Variants in HIRA observed in about 807,000 individuals in gnomAD.
HIRA encodes the protein protein HIRA.
In HIRA, 13 loss-of-function variants were observed where a neutral mutation model predicts 126.6. The observed-to-expected ratio is 0.10, with a 90% confidence interval of 0.07 to 0.16. The LOEUF (loss-of-function observed/expected upper bound fraction) is 0.16. HIRA is among the 10% of genes least tolerant of loss of function. HIRA has a pLI of 1.00. For synonymous variants in HIRA, 511 were observed against 520.0 expected (o/e 0.98, Z 0.24); for missense variants, 834 against 1,314.4 (o/e 0.63, Z 5.65).
At chr22:19,366,234 C>T (rs9604958) in intron 15 of HIRA, among the ~76,000 whole-genome samples, 60,411 of 151,190 alleles carry the variant, frequency 0.4, 13,887 homozygotes, top group Non-Finnish European at 0.52. Flanking sequence ...TGGTGGGGGG[C>T]GCCTGTAGTC....
chr22:19,357,542 C>T (rs1364999493), intron 18 of HIRA, among the ~76,000 whole-genome samples: 1 of 152,182 alleles, frequency 6.6e-6, no homozygotes, highest in Non-Finnish European at 1.5e-5. Flanking sequence ...TGTGTCGCTC[C>T]CAAACAAGGA....
intron 24 of HIRA, 127 bp from the exon 25 acceptor site, chr22:19,331,683 G>A (rs2088488826): frequency 3.6e-6 from 3 of 832,854 alleles, no homozygotes; most frequent in Non-Finnish European, 5.7e-6. Context: ...TCCTCTGCAG[G>A]TGAGAAACTG....
At position 19,405,852 on chromosome 22, in the gene HIRA, A is replaced by G. The variant is rs2089303952; in HGVS notation, c.331T>C (p.Ser111Pro). Residue 111 changes from serine to proline, a missense_variant, in exon 5 of 25, where the codon TCC (serine) becomes CCC (proline). By Grantham distance (74) the Ser-to-Pro change is moderately conservative. Coordinates refer to ENST00000263208, the MANE Select transcript of HIRA (RefSeq NM_003325.4). ...TYIGPSTVFGSSGKLANVEQW... is the reference protein window; with the variant it reads ...TYIGPSTVFGPSGKLANVEQW... The stretch of plus-strand genomic sequence containing the variant: ...TCCACATTGGCAAGCTTACCACTGG[A>G]GCCGAACACGGTGCTGGGGCCGATG... 2.0e-6 allele frequency: 3 copies of G among 1,509,326 alleles called. No homozygotes were observed. Among genetic ancestry groups the G allele is most frequent in the South Asian group, 1.3e-5 (1 of 77,248 alleles). 93.5% of individuals were successfully genotyped at this position (1,509,326 alleles called of 1,614,324 possible).
In HIRA at chr22:19,383,810, A is replaced by C. The variant is rs1006370454; in HGVS notation, c.1330-105T>G. 6 of 815,056 alleles carry C rather than the reference A, an allele frequency of 7.4e-6. No individual in the cohort carries two copies. In the African/African-American group the frequency reaches 1.0e-4, roughly 14 times the overall value. The allele number at this position is 815,056 out of a possible 1,614,324, so 50.5% of individuals were successfully genotyped here. A position where few individuals can be genotyped will look rare whatever the true frequency, so the allele number is the denominator to read the frequency against. Reference sequence around the variant, plus strand: ...TTTCCTGGTGATAAGAACACTAAGCATAAGATCCACCCTCTTAGCAAAGTT... The same window carrying C: ...TTTCCTGGTGATAAGAACACTAAGCCTAAGATCCACCCTCTTAGCAAAGTT... On this transcript the variant is annotated intron_variant, in intron 12 of 24. Coordinates refer to ENST00000263208, the MANE Select transcript of HIRA (RefSeq NM_003325.4).
chr22:19,396,717 C>T, intron 7 of HIRA, 70 bp downstream of exon 7: 2 of 1,538,482 alleles, frequency 1.3e-6, no homozygotes, highest in South Asian at 2.3e-5. Context: ...AGCTCCCTCT[C>T]TGTACACAGA....
intron 13 of HIRA, among the ~76,000 whole-genome samples, chr22:19,382,782 T>TA (rs1428758134): frequency 6.7e-6 from 1 of 149,670 alleles, no homozygotes; most frequent in Non-Finnish European, 1.5e-5. Flanking sequence ...TTTTTTTTTT[T>TA]TTTTTTGAAT....
rs145525716 is a variant in HIRA at position 19,353,484 on chromosome 22, G to C, written c.2720C>G (p.Pro907Arg). ...GGTGGTCTCTTGCTGCACCACATGA[G>C]GCACGGAGAAGAGCCGGGCAGCCTG... Reference protein sequence around the residue: ...GRQAARLFSVPHVVQQETTLA... With the variant: ...GRQAARLFSVRHVVQQETTLA... Residue 907 changes from proline (P) to arginine (R), a missense_variant, in exon 23 of 25, where the codon CCT becomes CGT. Around this residue, in one of 5 missense-constraint regions of HIRA, gnomAD observed 468 missense variants for 574.2 expected, o/e 0.82. Transcript: ENST00000263208. 2.5e-6 allele frequency: 4 copies of C among 1,612,342 alleles called. No individual in the cohort carries two copies. The East Asian group carries it at 8.9e-5, about 36-fold the overall frequency.
At chr22:19,353,191 A>G (rs1448632421) in intron 23 of HIRA, among the ~76,000 whole-genome samples, 165 bp downstream of exon 23, 7 of 152,122 alleles carry the variant, frequency 4.6e-5, no homozygotes, top group Non-Finnish European at 8.8e-5. Flanking sequence ...CTCAGAGCCT[A>G]TAAGGGGCTG....
rs1424785779 is a variant in HIRA at position 19,375,715 on chromosome 22, G to A, written c.1691C>T (p.Ala564Val). The A allele has an allele frequency of 1.2e-6, 2 of 1,614,172 alleles. No individual in the cohort carries two copies. Among genetic ancestry groups the A allele is most frequent in the Admixed American group, 1.7e-5 (1 of 60,014 alleles). Residue 564 changes from alanine (A) to valine (V), a missense_variant, in exon 15 of 25, where the codon GCG becomes GTG. Transcript: ENST00000263208. ...TTPSKIEPMK[A>V]FDSRFTERSK... ...CCGCTCTGTGAACCGGGAGTCAAAC[G>A]CTTTCATGGGTTCGATCTTGGACGG...
At chr22:19,390,967 T>G (rs1003714341) in intron 9 of HIRA, among the ~76,000 whole-genome samples, 3 of 152,122 alleles carry the variant, frequency 2.0e-5, no homozygotes, top group African/African-American at 7.2e-5. Context: ...TTTGTTTTTT[T>G]TTTTAATTTT....
At chr22:19,419,310 G>A (rs1267241223) in intron 1 of HIRA, among the ~76,000 whole-genome samples, 1 of 151,950 alleles carries the variant, frequency 6.6e-6, no homozygotes, top group Non-Finnish European at 1.5e-5. Flanking sequence ...TGGCCACCCC[G>A]CCCCCACGAC....
intron 7 of HIRA, among the ~76,000 whole-genome samples, chr22:19,396,138 G>A (rs1021830062): frequency 6.6e-6 from 1 of 152,202 alleles, no homozygotes; most frequent in African/African-American, 2.4e-5. Context: ...CGCACTATAA[G>A]AAGCAGTTTT....
intron 15 of HIRA, among the ~76,000 whole-genome samples, chr22:19,363,624 G>T (rs1285512593): frequency 6.6e-6 from 1 of 152,186 alleles, no homozygotes; most frequent in East Asian, 1.9e-4. Context: ...CTGGCTGGGT[G>T]TGGTGGCTCT....
chr22:19,398,661 C>T (rs925698162), intron 5 of HIRA, among the ~76,000 whole-genome samples: 1 of 152,208 alleles, frequency 6.6e-6, no homozygotes, highest in African/African-American at 2.4e-5. Context: ...TCCATTTTAT[C>T]ATTTGTTAAG....
chr22:19,374,010 T>TTAAATGAAA (rs1159874637), intron 15 of HIRA, among the ~76,000 whole-genome samples: 4 of 151,136 alleles, frequency 2.6e-5, no homozygotes, highest in African/African-American at 9.7e-5. Context: ...GGGACGAGGG[T>TTAAATGAAA]TGCATTTAAT....
rs189839354 is a variant in HIRA at position 19,375,939 on chromosome 22, C to A, written c.1614-147G>T. ...AAATGTCAAGATACAATCTACTACT[C>A]CCATTTCTTTAAAATTTTCATGTGT... On this transcript the variant is annotated intron_variant, in intron 14 of 24. Coordinates refer to ENST00000263208, the MANE Select transcript of HIRA (RefSeq NM_003325.4). 3.5e-3 allele frequency: 2,996 copies of A among 863,662 alleles called. 79 individuals carry two copies. The Admixed American group carries it at 0.057, about 17-fold the overall frequency. 53.5% of individuals were successfully genotyped at this position (863,662 alleles called of 1,614,324 possible).
intron 5 of HIRA, among the ~76,000 whole-genome samples, chr22:19,398,919 T>A (rs1364116876): frequency 6.6e-6 from 1 of 152,078 alleles, no homozygotes; most frequent in Non-Finnish European, 1.5e-5. Flanking sequence ...GCAGTGACCA[T>A]GATTGCACCA....
intron 1 of HIRA, among the ~76,000 whole-genome samples, chr22:19,412,103 T>C (rs536299283): frequency 2.6e-5 from 4 of 152,310 alleles, no homozygotes; most frequent in Non-Finnish European, 5.9e-5. Flanking sequence ...ACAGAAGTAA[T>C]GTTGCTCCAG....
chr22:19,340,107 A>G (rs534200094), intron 24 of HIRA, among the ~76,000 whole-genome samples: 4 of 152,318 alleles, frequency 2.6e-5, no homozygotes, highest in South Asian at 4.1e-4. Flanking sequence ...GTGAACATAG[A>G]TGCAAAAATC....
Sources: allele counts gnomAD v4.1 joint callset (sites outside exome capture counted in the v4.1 genomes callset), GRCh38; gene constraint gnomAD v4.1.1; regional missense constraint gnomAD v4.1.1; transcripts MANE v1.5; gene names NCBI Gene and HGNC (gene_info 2026-07-23, HGNC 2026-07-21).